The following STRA6 variants were observed in gnomAD, a reference collection of about 807,000 sequenced individuals.
The protein encoded by STRA6 is receptor for retinol uptake STRA6.
STRA6 carries 48 observed loss-of-function variants against 83.6 expected under a neutral mutation model. The observed-to-expected ratio is 0.57, with a 90% CI of 0.46 to 0.73. STRA6 has a LOEUF of 0.73. Ranked by LOEUF, STRA6 falls within the 30% of genes least tolerant of loss-of-function variation. The pLI is 0.00. For missense variants in STRA6, 760 were observed against 838.8 expected (o/e 0.91, Z 1.16); for synonymous variants, 353 against 362.3 (o/e 0.97, Z 0.29).
chr15:74,191,383 C>T (rs748496220), intron 9 of STRA6, 41 bp downstream of exon 9: 1 of 1,609,246 alleles, frequency 6.2e-7, no homozygotes, highest in African/African-American at 1.3e-5. Context: ...TGCTAACCAG[C>T]CCAATCCATT....
At chr15:74,187,080 G>A (rs555371729) in intron 12 of STRA6, among the ~76,000 whole-genome samples, 32 of 152,336 alleles carry the variant, frequency 2.1e-4, no homozygotes, top group African/African-American at 6.3e-4. Context: ...GGGCTGCAGC[G>A]AGGGCACATT....
chr15:74,180,118 T>G lies in STRA6; in HGVS notation c.1966A>C (p.Lys656Gln). 1 of 1,613,688 alleles carries G rather than the reference T, an allele frequency of 6.2e-7. No homozygotes were observed. Among genetic ancestry groups the G allele is most frequent in the Non-Finnish European group, 8.5e-7 (1 of 1,179,724 alleles). ...CCATTGGCACCCAACAGGGCCGTCTTGCGGAAGACCTGCAGGGTTGGGTTG... is the reference window on the plus strand; with the variant it reads ...CCATTGGCACCCAACAGGGCCGTCTGGCGGAAGACCTGCAGGGTTGGGTTG... ...LHNPTLQVFRKTALLGANGAQ... is the reference protein window; with the variant it reads ...LHNPTLQVFRQTALLGANGAQ... Residue 656 changes from lysine (K) to glutamine (Q), a missense_variant, in exon 19 of 19, where the codon AAG becomes CAG. Physicochemically the swap from Lys to Gln is moderately conservative, Grantham distance 53. Transcript: ENST00000395105.
chr15:74,201,546 G>A (rs2074065018), intron 2 of STRA6, among the ~76,000 whole-genome samples: 2 of 152,012 alleles, frequency 1.3e-5, no homozygotes, highest in South Asian at 2.1e-4. Context: ...ACCCTGGGGC[G>A]GGCTGCCTTC....
intron 1 of STRA6, among the ~76,000 whole-genome samples, chr15:74,208,234 G>GC (rs1037667679): frequency 2.0e-5 from 3 of 152,060 alleles, no homozygotes; most frequent in African/African-American, 2.4e-5. Context: ...GAGTAGTGAG[G>GC]CCCCCATCAA....
chr15:74,197,185 T>C (rs549210198), intron 4 of STRA6, among the ~76,000 whole-genome samples, 153 bp downstream of exon 4: 1 of 152,050 alleles, frequency 6.6e-6, no homozygotes, highest in African/African-American at 2.4e-5. Context: ...CCTGGAGACC[T>C]AGGTGGGGGT....
intron 8 of STRA6, among the ~76,000 whole-genome samples, chr15:74,193,346 A>C (rs1474467218): frequency 6.6e-6 from 1 of 152,110 alleles, no homozygotes; most frequent in East Asian, 1.9e-4. Context: ...TCCTCTAGGA[A>C]GCCCTCTCAG....
chr15:74,194,021 G>A (rs2073686475), intron 7 of STRA6, 99 bp from the exon 8 acceptor site: 3 of 1,566,872 alleles, frequency 1.9e-6, no homozygotes, highest in Non-Finnish European at 2.6e-6. Context: ...GGCCCTGAGG[G>A]TGGTCTGGGG....
upstream of STRA6, chr15:74,209,473 G>C (rs2074335537): frequency 6.5e-7 from 1 of 1,533,986 alleles, no homozygotes; most frequent in East Asian, 2.4e-5. Flanking sequence ...TGCCCAGCTG[G>C]GCTGAGGGCC....
At chr15:74,180,356 C>T in intron 18 of STRA6, 113 bp from the exon 19 acceptor site, 1 of 1,337,380 alleles carries the variant, frequency 7.5e-7, no homozygotes, top group South Asian at 1.2e-5. Context: ...GGTCGTGAGG[C>T]TTAGGATGTC....
Position 74,188,413 on chromosome 15 carries a change from G to A in STRA6, c.1090+702C>T, listed in dbSNP as rs2142020177. Among the ~76,000 whole-genome samples, 1 of 152,368 alleles carries A rather than the reference G, an allele frequency of 6.6e-6. No homozygotes were observed. Among genetic ancestry groups the A allele is most frequent in the East Asian group, 1.9e-4 (1 of 5,190 alleles). ...CCTCAGCACCGGGCTTTGTCCCAAG[G>A]TGATGGAGAAGGCCCCCGCCTAGGC... On this transcript the variant is annotated intron_variant, in intron 12 of 18. Coordinates refer to ENST00000395105, the MANE Select transcript of STRA6 (RefSeq NM_022369.4). The surrounding 1 kb of genome is among the most constrained non-coding windows in gnomAD (Gnocchi z 4.5).
At chr15:74,193,277 C>A (rs1567189759) in intron 8 of STRA6, among the ~76,000 whole-genome samples, 2 of 152,202 alleles carry the variant, frequency 1.3e-5, no homozygotes, top group East Asian at 1.9e-4. Context: ...ACAATGCCTG[C>A]TCCTTATTCT....
chr15:74,211,031 C>T (rs1007250694), upstream of STRA6, among the ~76,000 whole-genome samples: 2 of 152,060 alleles, frequency 1.3e-5, no homozygotes, highest in Non-Finnish European at 2.9e-5. Flanking sequence ...CCTGCTGTAC[C>T]CCAGACTCCA....
In STRA6 at chr15:74,180,180, C is replaced by A. The variant is rs761535807; in HGVS notation, c.1904G>T (p.Gly635Val). The A allele has an allele frequency of 2.5e-6, 4 of 1,613,864 alleles. No homozygotes were observed. Among genetic ancestry groups the A allele is most frequent in the South Asian group, 1.1e-5 (1 of 91,066 alleles). Residue 635 changes from glycine to valine, a missense_variant, in exon 19 of 19, where the codon GGC (glycine) becomes GTC (valine). Gly to Val is a moderately radical substitution (Grantham distance 109). Coordinates refer to ENST00000395105, the MANE Select transcript of STRA6 (RefSeq NM_022369.4). The stretch of plus-strand genomic sequence containing the variant: ...GTAGGCCAGACCCCAGCGAGCCCTG[C>A]CGCGGCTGGCCCCGGGCCTAGCTCC... ...AKGARPGASR[G>V]RARWGLAYTL... is the part of the protein sequence containing the mutation.
At chr15:74,207,946 GTC>G (rs1241622049) in intron 1 of STRA6, 2 of 1,453,142 alleles carry the variant, frequency 1.4e-6, no homozygotes, top group Non-Finnish European at 1.8e-6. Context: ...TCCACCTCCT[GTC>G]TCTCTACCTC....
chr15:74,189,659 ACTT>A (rs1304549464), intron 11 of STRA6, among the ~76,000 whole-genome samples: 85 of 151,570 alleles, frequency 5.6e-4, no homozygotes, highest in Middle Eastern at 3.4e-3. Flanking sequence ...CAGTAGGACA[ACTT>A]CTTCTTTTTT....
Position 74,191,104 on chromosome 15 carries a change from C to G in STRA6, c.865+63G>C, listed in dbSNP as rs771810682. The G allele has an allele frequency of 2.5e-6, 4 of 1,596,712 alleles. No homozygotes were observed. The East Asian group carries it at 9.1e-5, about 36-fold the overall frequency. ...AGCAGGAGCCAGTCCTCCACTGCAG[C>G]CATTCTGTGCAAGGGAGGGTAACGT... is the stretch of plus-strand genomic sequence containing the variant. On this transcript the variant is annotated intron_variant, in intron 10 of 18. Transcript: ENST00000395105.
At chr15:74,199,985 G>A (rs34234753) in intron 2 of STRA6, among the ~76,000 whole-genome samples, 24,104 of 152,246 alleles carry the variant, frequency 0.16, 2,487 homozygotes, top group Non-Finnish European at 0.23. Context: ...GGGAGACTGA[G>A]GCAGGCAGAT....
chr15:74,190,919 A>G lies in STRA6; in HGVS notation c.866-18T>C, dbSNP rs2142031161. 6.2e-7 allele frequency: 1 copy of G among 1,614,140 alleles called. No individual in the cohort carries two copies. The highest frequency in any genetic ancestry group is 2.2e-5 in the East Asian group (1 of 44,880). ...ATGGAATCCTGTAGTCCTCAAAGGA[A>G]GGAGTATGGTGAACAGCACCACTCA... On this transcript the variant is annotated intron_variant, in intron 10 of 18. Coordinates refer to ENST00000395105, the MANE Select transcript of STRA6 (RefSeq NM_022369.4).
At chr15:74,192,924 C>G (rs2073620213) in intron 8 of STRA6, among the ~76,000 whole-genome samples, 1 of 152,206 alleles carries the variant, frequency 6.6e-6, no homozygotes, top group Non-Finnish European at 1.5e-5. Context: ...ATCTGTCTCC[C>G]CCACCACACT....
Sources: allele counts gnomAD v4.1 joint callset (sites outside exome capture counted in the v4.1 genomes callset), GRCh38; gene constraint gnomAD v4.1.1; non-coding constraint Gnocchi (gnomAD v3.1); transcripts MANE v1.5; gene names NCBI Gene and HGNC (gene_info 2026-07-23, HGNC 2026-07-21).